The following MED13L variants were observed in gnomAD, a reference collection of about 807,000 sequenced individuals.
The protein encoded by MED13L is mediator of RNA polymerase II transcription subunit 13-like.
In MED13L, 7 loss-of-function variants were observed where a neutral mutation model predicts 220.9. That is an observed-to-expected ratio of 0.03 (90% CI 0.02 to 0.06). The LOEUF is 0.06. Ranked by LOEUF, MED13L falls within the 10% of genes least tolerant of loss-of-function variation. MED13L has a pLI of 1.00. For synonymous variants in MED13L, 1,011 were observed against 1,015.2 expected (o/e 1.00, Z 0.08); for missense variants, 1,965 against 2,760.5 (o/e 0.71, Z 6.46).
chr12:116,237,306 A>T (rs1565942929), intron 2 of MED13L, among the ~76,000 whole-genome samples, 162 bp downstream of exon 2: 2 of 152,174 alleles, frequency 1.3e-5, no homozygotes, highest in Admixed American at 1.3e-4. Flanking sequence ...AAAAAAAAAC[A>T]GGGATGGGAG....
At chr12:116,166,349 C>T (rs1256684520) in intron 2 of MED13L, among the ~76,000 whole-genome samples, 1 of 152,160 alleles carries the variant, frequency 6.6e-6, no homozygotes, top group Non-Finnish European at 1.5e-5. Flanking sequence ...GGCACAATCT[C>T]ATCAGCTTCC....
chr12:116,159,892 G>A (rs1005311778), intron 2 of MED13L, among the ~76,000 whole-genome samples: 3 of 150,410 alleles, frequency 2.0e-5, no homozygotes, highest in African/African-American at 7.5e-5. Context: ...CAAAGCAGCA[G>A]CACAAAATAA....
chr12:115,969,658 T>G (rs1343052170), intron 27 of MED13L, among the ~76,000 whole-genome samples: 1 of 151,772 alleles, frequency 6.6e-6, no homozygotes, highest in Non-Finnish European at 1.5e-5. Context: ...CACTGCAACC[T>G]CTGCCTCCTG....
At chr12:116,248,929 T>C (rs35143779) in intron 1 of MED13L, among the ~76,000 whole-genome samples, 2,022 of 152,320 alleles carry the variant, frequency 0.013, 21 homozygotes, top group Non-Finnish European at 0.021. Flanking sequence ...AGTACAGAGC[T>C]AGACTCCCTG....
chr12:116,223,447 C>G (rs902217058), intron 2 of MED13L, among the ~76,000 whole-genome samples: 9 of 152,256 alleles, frequency 5.9e-5, no homozygotes, highest in Admixed American at 2.6e-4. Context: ...ATGGATCACG[C>G]TTGTAATCCC....
Position 115,982,546 on chromosome 12 carries a change from A to T in MED13L, c.5013T>A (p.His1671Gln), listed in dbSNP as rs1177934938. ...IPTEPDSADS[H>Q]AHPPAVVIYM... Reference sequence around the variant, plus strand: ...AAATGACAACAGCTGGAGGGTGGGCATGGCTGTCTGCAGAGTCAGGCTCCG... The same window carrying T: ...AAATGACAACAGCTGGAGGGTGGGCTTGGCTGTCTGCAGAGTCAGGCTCCG... The change falls in exon 22 of 31, where the codon CAT (histidine) becomes CAA (glutamine). Residue 1671 changes from histidine to glutamine, a missense_variant. By Grantham distance (24) the His-to-Gln change is conservative. Transcript: ENST00000281928. 1 of 1,614,164 alleles carries T rather than the reference A, an allele frequency of 6.2e-7. No individual in the cohort carries two copies. The highest frequency in any genetic ancestry group is 8.5e-7 in the Non-Finnish European group (1 of 1,180,016).
chr12:116,022,675 A>G (rs1880131241), intron 4 of MED13L, 74 bp from the exon 5 acceptor site: 1 of 1,465,910 alleles, frequency 6.8e-7, no homozygotes. Flanking sequence ...AACTACAGGT[A>G]AGATACAGCT....
chr12:116,139,716 C>CG (rs1247004491), intron 2 of MED13L, among the ~76,000 whole-genome samples: 8 of 151,880 alleles, frequency 5.3e-5, no homozygotes, highest in African/African-American at 1.9e-4. Context: ...CTGGATAGGC[C>CG]GCGTGTGGTG....
intron 2 of MED13L, among the ~76,000 whole-genome samples, chr12:116,209,599 T>C (rs779774821): frequency 6.6e-6 from 1 of 152,170 alleles, no homozygotes; most frequent in Non-Finnish European, 1.5e-5. Flanking sequence ...TTCTAACCCA[T>C]CTGTCCTCTT....
At position 115,997,095 on chromosome 12, in the gene MED13L, A is replaced by G. The variant is rs371712978; in HGVS notation, c.2705T>C (p.Met902Thr). Reference sequence around the variant, plus strand: ...GAGTTGTGTTGAAACCATACTGACCATAGGGCTCTCCATCATGCCTAATGC... The same window carrying G: ...GAGTTGTGTTGAAACCATACTGACCGTAGGGCTCTCCATCATGCCTAATGC... The part of the protein sequence containing the change: ...VTALGMMESP[M>T]VSMVSTQLTE... Residue 902 changes from methionine (M) to threonine (T), a missense_variant, in exon 15 of 31, where the codon ATG (methionine) becomes ACG (threonine). Around this residue, in one of 10 missense-constraint regions of MED13L, gnomAD observed 233 missense variants for 306.2 expected, o/e 0.76. Coordinates refer to ENST00000281928, the MANE Select transcript of MED13L (RefSeq NM_015335.5). The G allele has an allele frequency of 9.3e-6, 15 of 1,613,990 alleles. No individual in the cohort carries two copies. The African/African-American group carries it at 1.7e-4, about 19-fold the overall frequency.
In MED13L at chr12:116,186,469, C is replaced by CT. The variant is rs892250384; in HGVS notation, c.310+50998dup. On this transcript the variant is annotated intron_variant, in intron 2 of 30. Coordinates refer to ENST00000281928, the MANE Select transcript of MED13L (RefSeq NM_015335.5). Reference sequence around the variant, plus strand: ...TTTAGGTGCTTTATTACACAGCAAACTTTTTTTTTCCAGGAATAATTTATT... The same window carrying CT: ...TTTAGGTGCTTTATTACACAGCAAACTTTTTTTTTTCCAGGAATAATTTATT... 2.1e-4 allele frequency among the ~76,000 whole-genome samples: 32 copies of CT among 151,748 alleles called. No homozygotes were observed. In the Middle Eastern group the frequency reaches 0.01, roughly 48 times the overall value.
intron 2 of MED13L, among the ~76,000 whole-genome samples, chr12:116,125,850 A>C (rs1271873289): frequency 6.6e-6 from 1 of 152,218 alleles, no homozygotes; most frequent in Non-Finnish European, 1.5e-5. Context: ...CTTAGTAATC[A>C]GAACATTTTA....
At position 116,274,035 on chromosome 12, in the gene MED13L, CAGAA is replaced by C. The variant is rs559320817; in HGVS notation, c.72+3021_72+3024del. Among the ~76,000 whole-genome samples, 548 of 152,204 alleles carry C rather than the reference CAGAA, an allele frequency of 3.6e-3. 7 individuals are homozygous for C. The highest frequency in any genetic ancestry group is 0.012 in the African/African-American group (513 of 41,502). Reference sequence around the variant, plus strand: ...ACAGCATAAGAAAATAGTTTTGAGTCAGAAAGGCACAGGCAGGCATGCACTTAAT... The same window carrying C: ...ACAGCATAAGAAAATAGTTTTGAGTCAGGCACAGGCAGGCATGCACTTAAT... On this transcript the variant is annotated intron_variant, in intron 1 of 30. Coordinates refer to ENST00000281928, the MANE Select transcript of MED13L (RefSeq NM_015335.5).
intron 1 of MED13L, among the ~76,000 whole-genome samples, chr12:116,245,315 C>T (rs529026586): frequency 6.6e-6 from 1 of 152,272 alleles, no homozygotes; most frequent in East Asian, 1.9e-4. Context: ...CCTCAAGATA[C>T]TGAGATCAGA....
At chr12:116,252,191 A>G (rs1014494763) in intron 1 of MED13L, among the ~76,000 whole-genome samples, 1 of 152,156 alleles carries the variant, frequency 6.6e-6, no homozygotes, top group African/African-American at 2.4e-5. Context: ...AACCAAATTG[A>G]CATTTATAAA....
At position 116,022,467 on chromosome 12, in the gene MED13L, G is replaced by A; in HGVS notation, c.614C>T (p.Ala205Val). ...ACACCCATACTTACCTTGAAATGGT[G>A]CAGGTGAAGACTGAGCCATGTGTAT... ...EHIHMAQSSP[A>V]PFQVLVSPYG... is the part of the protein sequence containing the mutation. Residue 205 changes from alanine to valine, a missense_variant, in exon 5 of 31, where the codon GCA (alanine) becomes GTA (valine). Around this residue, in one of 10 missense-constraint regions of MED13L, gnomAD observed 818 missense variants for 1,041.2 expected, o/e 0.79. Transcript: ENST00000281928. The A allele has an allele frequency of 6.2e-7, 1 of 1,613,714 alleles. No individual in the cohort carries two copies. The highest frequency in any genetic ancestry group is 8.5e-7 in the Non-Finnish European group (1 of 1,179,798).
At chr12:116,091,120 CAAAAAAA>C (rs5801163) in intron 4 of MED13L, among the ~76,000 whole-genome samples, 8 of 87,408 alleles carry the variant, frequency 9.2e-5, no homozygotes, top group South Asian at 3.9e-4. Flanking sequence ...AACTCTGTCT[CAAAAAAA>C]AAAAAAAAAA....
intron 4 of MED13L, among the ~76,000 whole-genome samples, chr12:116,070,884 A>C (rs1870315394): frequency 1.3e-5 from 2 of 152,226 alleles, no homozygotes; most frequent in Admixed American, 1.3e-4. Context: ...TTGTTAAGTG[A>C]ATCTTACAAA....
At chr12:116,275,539 G>A (rs887263747) in intron 1 of MED13L, among the ~76,000 whole-genome samples, 5 of 152,068 alleles carry the variant, frequency 3.3e-5, no homozygotes, top group African/African-American at 1.2e-4. Flanking sequence ...TTGAAAAGTT[G>A]GCGAGAATTT....
Sources: gnomAD v4.1 joint callset for allele counts (sites outside exome capture counted in the v4.1 genomes callset) on GRCh38, gnomAD v4.1.1 for gene constraint, gnomAD v4.1.1 regional missense constraint, MANE v1.5 for transcripts, NCBI Gene and HGNC (gene_info 2026-07-23, HGNC 2026-07-21) for gene names.